Variants in CACNB4 observed in about 807,000 individuals in gnomAD.
The protein encoded by CACNB4 is voltage-dependent L-type calcium channel subunit beta-4.
Under a neutral mutation model 71.2 loss-of-function variants are expected in CACNB4, and 32 were observed. The ratio of observed to expected loss-of-function variants is 0.45; its 90% confidence interval spans 0.34 to 0.60. The LOEUF (loss-of-function observed/expected upper bound fraction) is 0.60. Ranked by LOEUF, CACNB4 falls within the 20% of genes least tolerant of loss-of-function variation. The probability of loss-of-function intolerance (pLI) is 0.01; values close to 1 mark genes in which losing one functional copy is unlikely to be tolerated. For synonymous variants in CACNB4, 231 were observed against 236.9 expected, an observed-to-expected ratio of 0.97 and a Z score of 0.23; for missense variants, 464 against 647.9, an observed-to-expected ratio of 0.72 and a Z score of 3.08.
intron 2 of CACNB4, among the ~76,000 whole-genome samples, chr2:151,964,087 A>AAAAAAAAAAAAAT (rs1291914342): frequency 6.6e-5 from 10 of 150,998 alleles, no homozygotes; most frequent in African/African-American, 2.4e-4. Flanking sequence ...AAAAAAAAAA[A>AAAAAAAAAAAAAT]AAAGAATGTT....
intron 2 of CACNB4, among the ~76,000 whole-genome samples, chr2:151,896,517 T>A (rs2099852104): frequency 6.6e-6 from 1 of 152,114 alleles, no homozygotes. Flanking sequence ...GCTTTCCTCG[T>A]TTGACTTTTG....
chr2:151,845,581 G>T (rs1414725453), intron 12 of CACNB4, among the ~76,000 whole-genome samples: 1 of 152,228 alleles, frequency 6.6e-6, no homozygotes, highest in Non-Finnish European at 1.5e-5. Context: ...AAAGGTTCAA[G>T]TGTAGTCAGC....
In CACNB4 at chr2:151,855,257, T is replaced by G; in HGVS notation, c.987A>C (p.Pro329=). The change falls in exon 11 of 14, where the codon CCA becomes CCC. Residue 329 remains proline (P), a synonymous_variant. Coordinates refer to ENST00000539935, the MANE Select transcript of CACNB4 (RefSeq NM_000726.5). The part of the protein sequence containing the change: ...PAQLIKTSLA[P]IIVHVKVSSP... ...ATGAGACTTTTACATGAACAATAATTGGTGCTAAGGAAGTCTTTATAAGTT... is the reference window on the plus strand; with the variant it reads ...ATGAGACTTTTACATGAACAATAATGGGTGCTAAGGAAGTCTTTATAAGTT... The G allele has an allele frequency of 6.5e-7, 1 of 1,548,434 alleles. No individual in the cohort carries two copies. The highest frequency in any genetic ancestry group is 8.8e-7 in the Non-Finnish European group (1 of 1,132,220).
At chr2:152,089,969 G>C (rs918735639) in intron 2 of CACNB4, among the ~76,000 whole-genome samples, 3 of 152,136 alleles carry the variant, frequency 2.0e-5, no homozygotes, top group Non-Finnish European at 4.4e-5. Context: ...AATGGGACCT[G>C]CATGCCCCAC....
chr2:151,957,249 T>G, intron 2 of CACNB4, among the ~76,000 whole-genome samples: 1 of 140,440 alleles, frequency 7.1e-6, no homozygotes, highest in African/African-American at 2.7e-5. Context: ...AAAAGTAGAG[T>G]GGCTGGGCGT....
chr2:152,068,541 T>C (rs1686477508), intron 2 of CACNB4, among the ~76,000 whole-genome samples: 1 of 152,080 alleles, frequency 6.6e-6, no homozygotes, highest in Non-Finnish European at 1.5e-5. Flanking sequence ...CTAAGTTGGA[T>C]AAAGAATAAT....
chr2:152,037,394 G>A (rs1684652953), intron 2 of CACNB4, among the ~76,000 whole-genome samples: 1 of 152,118 alleles, frequency 6.6e-6, no homozygotes, highest in South Asian at 2.1e-4. Flanking sequence ...ATCCTGCTTT[G>A]GCCCAAATGT....
intron 2 of CACNB4, among the ~76,000 whole-genome samples, chr2:151,986,410 T>A (rs1162682455): frequency 6.6e-6 from 1 of 152,162 alleles, no homozygotes; most frequent in Non-Finnish European, 1.5e-5. Flanking sequence ...GTGATAAGTG[T>A]TCATATTATT....
intron 2 of CACNB4, among the ~76,000 whole-genome samples, chr2:152,022,700 G>A (rs1347825668): frequency 6.6e-6 from 1 of 151,988 alleles, no homozygotes; most frequent in East Asian, 1.9e-4. Flanking sequence ...TTAGACTCTT[G>A]GTATGATTTT....
intron 2 of CACNB4, among the ~76,000 whole-genome samples, chr2:152,011,056 C>A (rs1413709893): frequency 6.6e-6 from 1 of 152,082 alleles, no homozygotes; most frequent in African/African-American, 2.4e-5. Flanking sequence ...CGAAGAAAAT[C>A]AAAACTAGAG....
chr2:151,883,084 G>A, intron 3 of CACNB4, 167 bp downstream of exon 3: 1 of 640,430 alleles, frequency 1.6e-6, no homozygotes, highest in Non-Finnish European at 2.7e-6. Flanking sequence ...CTTTGGAGAT[G>A]TTACTAACCT....
chr2:152,032,830 T>C (rs1201111807), intron 2 of CACNB4, among the ~76,000 whole-genome samples: 3 of 152,180 alleles, frequency 2.0e-5, no homozygotes, highest in Non-Finnish European at 4.4e-5. Flanking sequence ...GGCATACGCC[T>C]ATAGTCCTGG....
chr2:152,097,494 G>A (rs746015281), intron 2 of CACNB4, among the ~76,000 whole-genome samples: 81 of 152,248 alleles, frequency 5.3e-4, no homozygotes, highest in South Asian at 1.0e-3. Flanking sequence ...AAAGATCAAG[G>A]TGACTCATTG....
chr2:151,914,456 G>A (rs2099856977), intron 2 of CACNB4, among the ~76,000 whole-genome samples: 1 of 152,142 alleles, frequency 6.6e-6, no homozygotes, highest in East Asian at 1.9e-4. Context: ...CCCATCTTCT[G>A]AAGCCTACTT....
chr2:152,035,630 C>T (rs28546450), intron 2 of CACNB4, among the ~76,000 whole-genome samples: 1,144 of 92,846 alleles, frequency 0.012, 28 homozygotes, highest in African/African-American at 0.037. Flanking sequence ...CCTCCCTCTC[C>T]CTCTCTCTCT....
At chr2:152,078,359 A>G (rs1334963465) in intron 2 of CACNB4, among the ~76,000 whole-genome samples, 4 of 152,224 alleles carry the variant, frequency 2.6e-5, no homozygotes, top group African/African-American at 7.2e-5. Context: ...GTCGACTACC[A>G]AAGACAACAT....
At position 151,832,959 on chromosome 2, in the gene CACNB4, A is replaced by G. The variant is rs970608326; in HGVS notation, c.*6160T>C. The G allele has an allele frequency of 6.6e-6, 1 of 152,200 alleles. No individual in the cohort carries two copies. The highest frequency in any genetic ancestry group is 1.5e-5 in the Non-Finnish European group (1 of 68,006). 9.4% of individuals were successfully genotyped at this position (152,200 alleles called of 1,614,324 possible). ...TTTTTCTTTAAAGCCACTAAAGCAG[A>G]GGGAGAACAAAACATGCAGCACTGT... On this transcript the variant is annotated 3_prime_UTR_variant, in exon 14 of 14. Coordinates refer to ENST00000539935, the MANE Select transcript of CACNB4 (RefSeq NM_000726.5).
At chr2:151,964,069 GAAA>G (rs397825547) in intron 2 of CACNB4, among the ~76,000 whole-genome samples, 3 of 99,266 alleles carry the variant, frequency 3.0e-5, no homozygotes, top group Admixed American at 2.6e-4. Flanking sequence ...CTGTCTCACA[GAAA>G]AAAAAAAAAA....
chr2:151,852,046 G>A (rs2099839184), intron 12 of CACNB4: 1 of 152,200 alleles, frequency 6.6e-6, no homozygotes, highest in Admixed American at 6.5e-5. Context: ...TTCAGGGTAG[G>A]TAACCAGGTA....
Sources: allele counts gnomAD v4.1 joint callset (sites outside exome capture counted in the v4.1 genomes callset), GRCh38; gene constraint gnomAD v4.1.1; transcripts MANE v1.5; gene names NCBI Gene and HGNC (gene_info 2026-07-23, HGNC 2026-07-21).